IL1RAPL1: variants seen among roughly 807,000 people sequenced by gnomAD.
IL1RAPL1 encodes interleukin 1 receptor accessory protein like 1, also known as interleukin-1 receptor accessory protein-like 1.
A neutral mutation model predicts 48.4 loss-of-function variants in IL1RAPL1; 3 were observed. The ratio of observed to expected loss-of-function variants is 0.06; its 90% CI spans 0.03 to 0.16. The LOEUF is 0.16. Ranked by LOEUF, IL1RAPL1 falls within the 10% of genes least tolerant of loss-of-function variation. IL1RAPL1 has a pLI of 1.00. For missense variants in IL1RAPL1, 349 were observed against 530.6 expected (o/e 0.66, Z 3.36); for synonymous variants, 185 against 187.7 (o/e 0.99, Z 0.12).
intron 2 of IL1RAPL1, among the ~76,000 whole-genome samples, chrX:29,007,639 C>CTAAA (rs1926015318): frequency 9.0e-6 from 1 of 111,727 alleles, no homozygotes; most frequent in Non-Finnish European, 1.9e-5. Context: ...TACAATTATT[C>CTAAA]TAAAATATTT....
At chrX:29,458,824 G>T (rs1202865107) in intron 5 of IL1RAPL1, among the ~76,000 whole-genome samples, 1 of 110,093 alleles carries the variant, frequency 9.1e-6, no homozygotes, top group Non-Finnish European at 1.9e-5. Context: ...AAAGTGCTGG[G>T]ATTACAGGTG....
intron 1 of IL1RAPL1, among the ~76,000 whole-genome samples, chrX:28,741,820 T>C (rs952311433): frequency 8.0e-5 from 9 of 112,197 alleles, no homozygotes; most frequent in Non-Finnish European, 1.3e-4. Context: ...TTTTACAACA[T>C]AGTTCTTGAA....
intron 2 of IL1RAPL1, among the ~76,000 whole-genome samples, chrX:29,176,335 A>G (rs1403829092): frequency 9.6e-6 from 1 of 104,136 alleles, no homozygotes; most frequent in Admixed American, 1.1e-4. Flanking sequence ...CAATCTCCTG[A>G]CCTCATGATC....
At chrX:28,803,606 G>A (rs921943807) in intron 2 of IL1RAPL1, among the ~76,000 whole-genome samples, 4 of 111,728 alleles carry the variant, frequency 3.6e-5, no homozygotes, top group African/African-American at 1.3e-4. Flanking sequence ...CCCCACACAC[G>A]AAAATATTAG....
At chrX:28,726,478 A>AT (rs1246932156) in intron 1 of IL1RAPL1, among the ~76,000 whole-genome samples, 2 of 112,415 alleles carry the variant, frequency 1.8e-5, no homozygotes, top group Admixed American at 9.4e-5. Context: ...TTCAACCAAT[A>AT]TTTTTGTAGT....
Position 29,396,235 on chromosome X carries a change from GTATT to G in IL1RAPL1, c.363-18_363-15del. On this transcript the variant is annotated intron_variant, in intron 3 of 10. Transcript: ENST00000378993. Reference sequence around the variant, plus strand: ...TGCTTTTTGTTCACACCAGGTCACTGTATTTATTCTGCTTTGTTACAGAAACTCC... The same window carrying G: ...TGCTTTTTGTTCACACCAGGTCACTGTATTCTGCTTTGTTACAGAAACTCC... 3.4e-6 allele frequency: 4 copies of G among 1,168,307 alleles called. No individual in the cohort carries two copies. In the South Asian group the frequency reaches 5.4e-5, roughly 16 times the overall value.
chrX:29,129,100 A>G (rs1481938429), intron 2 of IL1RAPL1, among the ~76,000 whole-genome samples: 1 of 98,560 alleles, frequency 1.0e-5, no homozygotes, highest in African/African-American at 3.9e-5. Flanking sequence ...CTGGAGTGCA[A>G]TGGCACCATC....
At chrX:28,737,358 G>A (rs1162889617) in intron 1 of IL1RAPL1, among the ~76,000 whole-genome samples, 3 of 107,869 alleles carry the variant, frequency 2.8e-5, no homozygotes, top group African/African-American at 1.0e-4. Flanking sequence ...CCAGACTTAA[G>A]TGATTCTCCT....
chrX:28,748,313 A>G (rs1325923313), intron 1 of IL1RAPL1, among the ~76,000 whole-genome samples: 1 of 112,105 alleles, frequency 8.9e-6, no homozygotes, highest in Non-Finnish European at 1.9e-5. Context: ...TTTAAAAAAT[A>G]GAGTAAGTGG....
chrX:28,724,573 C>T (rs1009552052), intron 1 of IL1RAPL1, among the ~76,000 whole-genome samples: 1 of 111,389 alleles, frequency 9.0e-6, no homozygotes, highest in East Asian at 2.8e-4. Flanking sequence ...TGTCTTTTAA[C>T]TGGAGCATTT....
At chrX:28,619,000 G>T (rs1398531561) in intron 1 of IL1RAPL1, among the ~76,000 whole-genome samples, 1 of 111,907 alleles carries the variant, frequency 8.9e-6, no homozygotes, top group Non-Finnish European at 1.9e-5. Flanking sequence ...GCTGAGAAGG[G>T]CCAGTGCCAG....
chrX:29,024,599 A>G (rs1926444265), intron 2 of IL1RAPL1, among the ~76,000 whole-genome samples: 1 of 112,256 alleles, frequency 8.9e-6, no homozygotes, highest in African/African-American at 3.2e-5. Flanking sequence ...GGTCTGCAAT[A>G]AGGTAACTGC....
chrX:29,487,753 C>G (rs1935112042), intron 5 of IL1RAPL1, among the ~76,000 whole-genome samples: 1 of 111,910 alleles, frequency 8.9e-6, no homozygotes, highest in African/African-American at 3.3e-5. Flanking sequence ...TAATGGTTTG[C>G]TACAGTAGTT....
intron 6 of IL1RAPL1, among the ~76,000 whole-genome samples, chrX:29,705,094 C>T (rs1370665078): frequency 1.8e-5 from 2 of 111,745 alleles, no homozygotes; most frequent in East Asian, 5.6e-4. Flanking sequence ...TTACTATGAA[C>T]TTGTTAATCA....
intron 2 of IL1RAPL1, among the ~76,000 whole-genome samples, chrX:29,158,706 A>G (rs913863508): frequency 3.6e-5 from 4 of 110,892 alleles, no homozygotes; most frequent in African/African-American, 1.3e-4. Context: ...CAATACTGCC[A>G]TCTGTGGTGT....
intron 5 of IL1RAPL1, among the ~76,000 whole-genome samples, chrX:29,599,885 A>T (rs1923663935): frequency 1.8e-5 from 2 of 110,811 alleles, no homozygotes; most frequent in African/African-American, 6.6e-5. Context: ...TTTTTTATTT[A>T]TGTTATATAT....
intron 1 of IL1RAPL1, among the ~76,000 whole-genome samples, chrX:28,708,137 C>T (rs985041579): frequency 9.0e-6 from 1 of 111,307 alleles, no homozygotes; most frequent in African/African-American, 3.3e-5. Flanking sequence ...GCAAGTAGCC[C>T]TGGAGTTGTG....
At chrX:29,060,454 G>C (rs984949626) in intron 2 of IL1RAPL1, among the ~76,000 whole-genome samples, 1 of 111,704 alleles carries the variant, frequency 9.0e-6, no homozygotes, top group Non-Finnish European at 1.9e-5. Flanking sequence ...TAGCTAATTA[G>C]TTAAGTGTGG....
chrX:29,197,835 A>C (rs1279715130), intron 2 of IL1RAPL1, among the ~76,000 whole-genome samples: 2 of 108,233 alleles, frequency 1.8e-5, no homozygotes, highest in African/African-American at 6.8e-5. Flanking sequence ...CAGCCTCCCG[A>C]GTAGCTGGGA....
Sources: allele counts gnomAD v4.1 joint callset (sites outside exome capture counted in the v4.1 genomes callset), GRCh38; gene constraint gnomAD v4.1.1; transcripts MANE v1.5; gene names NCBI Gene and HGNC (gene_info 2026-07-23, HGNC 2026-07-21).